The following PTCH1 variants were observed in gnomAD, a reference collection of about 807,000 sequenced individuals.
PTCH1 encodes protein patched homolog 1.
PTCH1 carries 14 observed loss-of-function variants against 144.6 expected under a neutral mutation model. The ratio of observed to expected loss-of-function variants is 0.10; its 90% CI spans 0.06 to 0.15. The LOEUF (loss-of-function observed/expected upper bound fraction) is 0.15. PTCH1 is among the 10% of genes least tolerant of loss of function. The pLI is 1.00. For missense variants in PTCH1, 1,623 were observed against 1,948.3 expected (o/e 0.83, Z 3.14); for synonymous variants, 833 against 793.6 (o/e 1.05, Z -0.83).
At chr9:95,496,361 A>G (rs1842789631) in intron 2 of PTCH1, among the ~76,000 whole-genome samples, 1 of 152,194 alleles carries the variant, frequency 6.6e-6, no homozygotes, top group East Asian at 1.9e-4. Context: ...GGCCTCAGAA[A>G]AATTTATTCA....
Position 95,449,849 on chromosome 9 carries a change from A to G in PTCH1, c.3541T>C (p.Tyr1181His), listed in dbSNP as rs367784268. ...LPVLLSFFGP[Y>H]PEVSPANGLN... is the part of the protein sequence containing the mutation. ...CCCGTGTCACTACTGACCTCAGGAT[A>G]TGGTCCAAAGAAAGACAAAAGCACG... The change falls in exon 21 of 24, where the codon TAT becomes CAT. Residue 1181 changes from tyrosine to histidine, a missense_variant. Around this residue, in one of 7 missense-constraint regions of PTCH1, gnomAD observed 504 missense variants for 679.3 expected, o/e 0.74. Coordinates refer to ENST00000331920, the MANE Select transcript of PTCH1 (RefSeq NM_000264.5). The surrounding 1 kb of genome is among the most constrained non-coding windows in gnomAD (Gnocchi z 5.3). 4 of 1,612,796 alleles carry G rather than the reference A, an allele frequency of 2.5e-6. No homozygotes were observed. The highest frequency in any genetic ancestry group is 2.2e-5 in the East Asian group (1 of 44,892).
chr9:95,487,804 C>G (rs1842086166), intron 2 of PTCH1, among the ~76,000 whole-genome samples: 1 of 152,200 alleles, frequency 6.6e-6, no homozygotes. Flanking sequence ...GCACCTCCTG[C>G]ACCTTTACTG....
chr9:95,512,504 C>G (rs1844205630), upstream of PTCH1, among the ~76,000 whole-genome samples: 2 of 152,162 alleles, frequency 1.3e-5, no homozygotes, highest in African/African-American at 4.8e-5. Context: ...GTGTAAAAGC[C>G]TGCTCGACTT....
At chr9:95,497,423 C>T (rs1232719515) in intron 2 of PTCH1, among the ~76,000 whole-genome samples, 1 of 152,216 alleles carries the variant, frequency 6.6e-6, no homozygotes, top group African/African-American at 2.4e-5. Context: ...CCATTTACTT[C>T]AGAACATATC....
At chr9:95,469,664 A>G (rs1345249322) in intron 13 of PTCH1, 149 bp downstream of exon 13, 2 of 838,712 alleles carry the variant, frequency 2.4e-6, no homozygotes, top group Non-Finnish European at 4.1e-6. Context: ...CCCCTAGGGA[A>G]GCAGCCTCTG....
chr9:95,446,685 A>G (rs1837925467), intron 23 of PTCH1: 6 of 624,330 alleles, frequency 9.6e-6, no homozygotes, highest in Non-Finnish European at 1.7e-5. Context: ...GACCCTCCGC[A>G]GGTTAGCAGT....
In PTCH1 at chr9:95,476,250, A is replaced by G; in HGVS notation, c.1603-91T>C. ...GTGAGCAGATACGTGGCAGAATAAC[A>G]CAACTGTTATTACAGCTTATCATGC... On this transcript the variant is annotated intron_variant, in intron 11 of 23. Coordinates refer to ENST00000331920, the MANE Select transcript of PTCH1 (RefSeq NM_000264.5). This position sits in a 1 kb window ranked among gnomAD's most constrained non-coding sequence, Gnocchi z 4.6. 6.6e-7 allele frequency: 1 copy of G among 1,525,516 alleles called. No homozygotes were observed. Among genetic ancestry groups the G allele is most frequent in the Non-Finnish European group, 8.8e-7 (1 of 1,131,422 alleles). 94.5% of individuals were successfully genotyped at this position (1,525,516 alleles called of 1,614,324 possible). A position where few individuals can be genotyped will look rare whatever the true frequency, so the allele number is the denominator to read the frequency against.
At chr9:95,453,164 G>A (rs539382843) in intron 20 of PTCH1, 5 of 372,036 alleles carry the variant, frequency 1.3e-5, no homozygotes, top group African/African-American at 4.2e-5. Flanking sequence ...ACAGAATCTC[G>A]CTCTGTCACC....
chr9:95,508,414 G>C lies in PTCH1; in HGVS notation c.-53C>G, dbSNP rs1022207005. 4.7e-6 allele frequency: 5 copies of C among 1,066,436 alleles called. No individual in the cohort carries two copies. The highest frequency in any genetic ancestry group is 5.7e-6 in the Non-Finnish European group (5 of 884,680). 66.1% of individuals were successfully genotyped at this position (1,066,436 alleles called of 1,614,324 possible). Reference sequence around the variant, plus strand: ...GGGACGGAGGCTTCCCGGGCGGCCCGGCGCGCTGCTGCCGCTGCTGCGGGC... The same window carrying C: ...GGGACGGAGGCTTCCCGGGCGGCCCCGCGCGCTGCTGCCGCTGCTGCGGGC... On this transcript the variant is annotated 5_prime_UTR_variant, in exon 1 of 24. Transcript: ENST00000331920.
Position 95,494,131 on chromosome 9 carries a change from C to T in PTCH1, c.395-8257G>A, listed in dbSNP as rs575503802. The stretch of plus-strand genomic sequence containing the variant: ...AGGCTGGGCGCAGGTAGTGCGCAGG[C>T]GCTCGCGCGGGGTTCTGCAACGCGC... On this transcript the variant is annotated intron_variant, in intron 2 of 23. Transcript: ENST00000331920. 38 of 886,698 alleles carry T rather than the reference C, an allele frequency of 4.3e-5. No individual in the cohort carries two copies. The African/African-American group carries it at 6.5e-4, about 15-fold the overall frequency. 54.9% of individuals were successfully genotyped at this position (886,698 alleles called of 1,614,324 possible). A position where few individuals can be genotyped will look rare whatever the true frequency, so the allele number is the denominator to read the frequency against.
At chr9:95,446,519 G>GT (rs769876776) in intron 23 of PTCH1, 128 bp from the exon 24 acceptor site, 16 of 463,294 alleles carry the variant, frequency 3.5e-5, no homozygotes, top group Non-Finnish European at 5.1e-5. Flanking sequence ...TGGGCCTGAG[G>GT]TGTCCCTGGG....
chr9:95,514,027 C>G (rs1844260618), upstream of PTCH1: 1 of 152,154 alleles, frequency 6.6e-6, no homozygotes, highest in African/African-American at 2.4e-5. Context: ...GGGGAGTGTC[C>G]TGAGAAGGTC....
At chr9:95,459,243 A>T (rs1839236221) in intron 17 of PTCH1, among the ~76,000 whole-genome samples, 1 of 152,252 alleles carries the variant, frequency 6.6e-6, no homozygotes, top group Non-Finnish European at 1.5e-5. Flanking sequence ...GACAAAGTTA[A>T]GATAAACATA....
chr9:95,511,805 T>C (rs1445599584), upstream of PTCH1, among the ~76,000 whole-genome samples: 1 of 152,344 alleles, frequency 6.6e-6, no homozygotes, highest in East Asian at 1.9e-4. Flanking sequence ...CGAACCATTG[T>C]GTGTTTGCTT....
chr9:95,445,589 G>A lies in PTCH1; in HGVS notation c.*804C>T, dbSNP rs1837816542. ...TAGACACGAGGAGAGTCTAGCTTTT[G>A]CCGGGCTGATTTGAAAGGATTAGGT... On this transcript the variant is annotated 3_prime_UTR_variant, in exon 24 of 24. Transcript: ENST00000331920. 1 of 152,244 alleles carries A rather than the reference G, an allele frequency of 6.6e-6. No individual in the cohort carries two copies. The highest frequency in any genetic ancestry group is 6.5e-5 in the Admixed American group (1 of 15,282). The allele number at this position is 152,244 out of a possible 1,614,324, so 9.4% of individuals were successfully genotyped here.
At chr9:95,467,532 C>T in intron 14 of PTCH1, 107 bp from the exon 15 acceptor site, 1 of 1,099,564 alleles carries the variant, frequency 9.1e-7, no homozygotes, top group African/African-American at 1.6e-5. Context: ...CACACTTAAA[C>T]TGATTTATCT....
intron 9 of PTCH1, 83 bp downstream of exon 9, chr9:95,477,972 G>A (rs1841204875): frequency 9.4e-6 from 15 of 1,599,590 alleles, no homozygotes; most frequent in Admixed American, 3.3e-5. Context: ...GAGCAGTTAA[G>A]AAGCAGGAGC....
intron 2 of PTCH1, among the ~76,000 whole-genome samples, chr9:95,493,608 C>G (rs981137906): frequency 6.6e-6 from 1 of 152,192 alleles, no homozygotes; most frequent in African/African-American, 2.4e-5. Context: ...TGTGTATATG[C>G]AAGCGTTGCA....
chr9:95,479,244 G>C (rs957255159), intron 7 of PTCH1, 97 bp from the exon 8 acceptor site: 1 of 1,495,510 alleles, frequency 6.7e-7, no homozygotes, highest in Non-Finnish European at 9.3e-7. Context: ...CTCACTGGCT[G>C]CAATTCTTTT....
Sources: gnomAD v4.1 joint callset for allele counts (sites outside exome capture counted in the v4.1 genomes callset) on GRCh38, gnomAD v4.1.1 for gene constraint, gnomAD v4.1.1 regional missense constraint, Gnocchi (gnomAD v3.1) non-coding constraint, MANE v1.5 for transcripts, NCBI Gene and HGNC (gene_info 2026-07-23, HGNC 2026-07-21) for gene names.